Variants in TFDP2 observed in about 807,000 individuals in gnomAD.
TFDP2 encodes the protein transcription factor Dp-2, also known as transcription factor Dp-2 (E2F dimerization partner 2).
In TFDP2, 17 loss-of-function variants were observed where a neutral mutation model predicts 59.3. That is an observed-to-expected ratio of 0.29 (90% CI 0.20 to 0.43). TFDP2 has a LOEUF of 0.43. Among genes scored for constraint, TFDP2 ranks in the 20% least tolerant of loss-of-function variants. The probability of loss-of-function intolerance (pLI) is 1.00; values close to 1 mark genes in which losing one functional copy is unlikely to be tolerated. For synonymous variants in TFDP2, 180 were observed against 194.7 expected (o/e 0.92, Z 0.63); for missense variants, 391 against 528.8 (o/e 0.74, Z 2.56).
rs66720095 is a variant in TFDP2, at chr3:141,977,106, ATTTTTTT to A, written c.519+1407_519+1413del. Among the ~76,000 whole-genome samples the A allele has an allele frequency of 1.3e-3, 126 of 97,500 alleles. 1 individual carries two copies. Among genetic ancestry groups the A allele is most frequent in the Non-Finnish European group, 1.4e-3 (71 of 49,518 alleles). 64.0% of individuals were successfully genotyped at this position (97,500 alleles called of 152,430 possible). On this transcript the variant is annotated intron_variant, in intron 7 of 12. Coordinates refer to ENST00000489671, the MANE Select transcript of TFDP2 (RefSeq NM_001178139.2). ...GTCATAGCCATATATATATATATAT[ATTTTTTT>A]TTTTTTTTTTTTTTTCCCCCCAAAG...
At chr3:141,985,051 CA>C (rs755068356) in intron 6 of TFDP2, among the ~76,000 whole-genome samples, 195 of 151,848 alleles carry the variant, frequency 1.3e-3, no homozygotes, top group Middle Eastern at 6.8e-3. Context: ...CTACTGCTGC[CA>C]CCTTCAGAAT....
intron 11 of TFDP2, among the ~76,000 whole-genome samples, chr3:141,954,622 C>G (rs561739452): frequency 9.9e-6 from 1 of 100,718 alleles, no homozygotes; most frequent in South Asian, 3.5e-4. Context: ...GAGTGACTGT[C>G]TCAAAAAAAA....
chr3:141,977,521 A>ACC (rs1181518619), intron 7 of TFDP2, among the ~76,000 whole-genome samples: 1 of 152,066 alleles, frequency 6.6e-6, no homozygotes, highest in Non-Finnish European at 1.5e-5. Context: ...GAACCTGGGA[A>ACC]GTAGAGGTTT....
chr3:142,097,173 T>C (rs1329028738), intron 2 of TFDP2, among the ~76,000 whole-genome samples: 2 of 152,214 alleles, frequency 1.3e-5, no homozygotes, highest in Non-Finnish European at 2.9e-5. Flanking sequence ...CACTTTCATA[T>C]ACCACAAGTA....
At chr3:142,052,461 C>T (rs1248913345) in intron 3 of TFDP2, among the ~76,000 whole-genome samples, 2 of 151,588 alleles carry the variant, frequency 1.3e-5, no homozygotes, top group Non-Finnish European at 1.5e-5. Context: ...AGGAGAATGG[C>T]GTGAACCCAG....
intron 3 of TFDP2, among the ~76,000 whole-genome samples, chr3:142,061,889 TAC>T (rs71153939): frequency 0.028 from 2,229 of 79,820 alleles, 78 homozygotes; most frequent in East Asian, 0.12. Flanking sequence ...TCTCTCTCTC[TAC>T]ACACACACAC....
intron 1 of TFDP2, among the ~76,000 whole-genome samples, chr3:142,131,246 A>T (rs1174112420): frequency 1.3e-5 from 2 of 150,110 alleles, no homozygotes; most frequent in African/African-American, 2.5e-5. Context: ...TTTAGCAGGA[A>T]GACACAAATA....
intron 8 of TFDP2, among the ~76,000 whole-genome samples, chr3:141,971,889 G>A: frequency 6.6e-6 from 1 of 152,176 alleles, no homozygotes; most frequent in East Asian, 1.9e-4. Context: ...CTTCTGCTCA[G>A]CTTATAGGAA....
At position 142,149,507 on chromosome 3, in the gene TFDP2, C is replaced by A. The variant is rs1037439231; in HGVS notation, c.-417G>T. The A allele has an allele frequency of 2.9e-6, 1 of 342,010 alleles. No homozygotes were observed. Among genetic ancestry groups the A allele is most frequent in the African/African-American group, 2.1e-5 (1 of 46,956 alleles). 21.2% of individuals were successfully genotyped at this position (342,010 alleles called of 1,614,324 possible). A position where few individuals can be genotyped will look rare whatever the true frequency, so the allele number is the denominator to read the frequency against. Reference sequence around the variant, plus strand: ...CCCTGCCCAGCTACAGCCCCGCTTCCCCCGCGCGAGCTTTGGCGGCGGAGC... The same window carrying A: ...CCCTGCCCAGCTACAGCCCCGCTTCACCCGCGCGAGCTTTGGCGGCGGAGC... On this transcript the variant is annotated 5_prime_UTR_variant, in exon 1 of 13. Coordinates refer to ENST00000489671, the MANE Select transcript of TFDP2 (RefSeq NM_001178139.2).
rs1939456036 is a variant in TFDP2, at chr3:141,969,932, A to AAGCTAGG, written c.732+134_732+140dup. 2.3e-5 allele frequency: 18 copies of AAGCTAGG among 766,262 alleles called. 1 individual carries two copies. In the South Asian group the frequency reaches 2.8e-4, roughly 12 times the overall value. The allele number at this position is 766,262 out of a possible 1,614,324, so 47.5% of individuals were successfully genotyped here. On this transcript the variant is annotated intron_variant, in intron 9 of 12. Transcript: ENST00000489671. The stretch of plus-strand genomic sequence containing the variant: ...TAAGGCAGAGCACGTGGATGGCAAC[A>AAGCTAGG]AGCTAGGAGGTGAGAGAGGCTGCCC...
chr3:141,953,796 C>T (rs1401497124), intron 11 of TFDP2, among the ~76,000 whole-genome samples: 2 of 121,614 alleles, frequency 1.6e-5, no homozygotes, highest in African/African-American at 6.3e-5. Flanking sequence ...CCCCACCCCA[C>T]AACTAGCTCT....
At chr3:142,024,486 C>T (rs927802839) in intron 3 of TFDP2, among the ~76,000 whole-genome samples, 1 of 152,088 alleles carries the variant, frequency 6.6e-6, no homozygotes, top group Non-Finnish European at 1.5e-5. Flanking sequence ...GGCACATCTC[C>T]CCTCTTACTC....
intron 1 of TFDP2, among the ~76,000 whole-genome samples, chr3:142,110,208 G>GA (rs549926637): frequency 4.0e-5 from 6 of 148,306 alleles, no homozygotes; most frequent in African/African-American, 4.9e-5. Flanking sequence ...AAAAATTGAA[G>GA]AAAAAAAAAA....
chr3:142,052,809 CT>C (rs959715001), intron 3 of TFDP2, among the ~76,000 whole-genome samples: 3 of 151,616 alleles, frequency 2.0e-5, no homozygotes, highest in African/African-American at 7.3e-5. Flanking sequence ...TTTCCCTTTT[CT>C]TTTTTTTCTT....
At chr3:142,022,435 T>C (rs1395211119) in intron 3 of TFDP2, among the ~76,000 whole-genome samples, 1 of 152,174 alleles carries the variant, frequency 6.6e-6, no homozygotes, top group Non-Finnish European at 1.5e-5. Context: ...TGTTCTTAAG[T>C]GTTATATTTT....
chr3:141,969,246 T>TAA (rs1491274377), intron 9 of TFDP2, among the ~76,000 whole-genome samples: 3 of 107,336 alleles, frequency 2.8e-5, no homozygotes, highest in Non-Finnish European at 5.3e-5. Flanking sequence ...TATATATATA[T>TAA]AACATATATA....
At chr3:142,115,823 G>T (rs1314588270) in intron 1 of TFDP2, among the ~76,000 whole-genome samples, 1 of 151,974 alleles carries the variant, frequency 6.6e-6, no homozygotes, top group Non-Finnish European at 1.5e-5. Context: ...TCTTGATTGT[G>T]GTGGTGGCTA....
intron 7 of TFDP2, among the ~76,000 whole-genome samples, chr3:141,977,107 T>TAGATAGATAGATAGATAGA (rs1491255094): frequency 5.8e-5 from 5 of 86,686 alleles, no homozygotes; most frequent in Admixed American, 1.4e-4. Context: ...TATATATATA[T>TAGATAGATAGATAGATAGA]TTTTTTTTTT....
intron 3 of TFDP2, among the ~76,000 whole-genome samples, chr3:142,047,788 A>G (rs1650767940): frequency 7.0e-6 from 1 of 142,114 alleles, no homozygotes; most frequent in Admixed American, 7.6e-5. Flanking sequence ...CCCAGGCTCC[A>G]GTGCAGTCAG....
Sources: gnomAD v4.1 joint callset for allele counts (sites outside exome capture counted in the v4.1 genomes callset) on GRCh38, gnomAD v4.1.1 for gene constraint, MANE v1.5 for transcripts, NCBI Gene and HGNC (gene_info 2026-07-23, HGNC 2026-07-21) for gene names.